DOCK8: variants seen among roughly 807,000 people sequenced by gnomAD.
The protein encoded by DOCK8 is dedicator of cytokinesis 8.
A neutral mutation model predicts 245.6 loss-of-function variants in DOCK8; 141 were observed. The ratio of observed to expected loss-of-function variants is 0.57; its 90% CI spans 0.50 to 0.66. DOCK8 has a LOEUF of 0.66. Ranked by LOEUF, DOCK8 falls within the 30% of genes least tolerant of loss-of-function variation. The pLI is 0.00. For missense variants in DOCK8, 2,965 were observed against 2,603.4 expected (o/e 1.14, Z -3.02); for synonymous variants, 1,168 against 970.2 (o/e 1.20, Z -3.79).
rs62533403 is a variant in DOCK8, at chr9:311,814, C to G, written c.529-140C>G. ...GCTGAGATGTCATTCTTATCAAATCCGCAGTTTCTTCAGAAGACTTGAGGC... is the reference window on the plus strand; with the variant it reads ...GCTGAGATGTCATTCTTATCAAATCGGCAGTTTCTTCAGAAGACTTGAGGC... On this transcript the variant is annotated intron_variant, in intron 5 of 47. Coordinates refer to ENST00000432829, the MANE Select transcript of DOCK8 (RefSeq NM_203447.4). 26,819 of 1,015,046 alleles carry G rather than the reference C, an allele frequency of 0.026. 441 individuals carry two copies. Among genetic ancestry groups the G allele is most frequent in the Non-Finnish European group, 0.033 (21,622 of 650,274 alleles). 62.9% of individuals were successfully genotyped at this position (1,015,046 alleles called of 1,614,324 possible).
At chr9:269,955 C>G (rs1239278583) in intron 1 of DOCK8, among the ~76,000 whole-genome samples, 2 of 152,182 alleles carry the variant, frequency 1.3e-5, no homozygotes, top group African/African-American at 4.8e-5. Flanking sequence ...TGCCAGATGG[C>G]TTTCCAAAAT....
Position 247,547 on chromosome 9 carries a change from T to G in DOCK8, c.54-24080T>G, listed in dbSNP as rs191203191. ...TTATCATTATTCTTTTTTGTTTGTT[T>G]GTTTGAGAGGGAGTCTCGCTCTGTC... On this transcript the variant is annotated intron_variant, in intron 1 of 47. Transcript: ENST00000432829. Among the ~76,000 whole-genome samples the G allele has an allele frequency of 5.6e-4, 86 of 152,278 alleles. 1 individual carries two copies. Among genetic ancestry groups the G allele is most frequent in the African/African-American group, 1.9e-3 (79 of 41,574 alleles).
chr9:297,957 A>G (rs2049336512), intron 4 of DOCK8, among the ~76,000 whole-genome samples: 1 of 152,222 alleles, frequency 6.6e-6, no homozygotes, highest in South Asian at 2.1e-4. Context: ...TGTGTAACTC[A>G]TTTGTTAATG....
chr9:266,413 G>C (rs977379870), intron 1 of DOCK8, among the ~76,000 whole-genome samples: 11 of 151,834 alleles, frequency 7.2e-5, no homozygotes, highest in African/African-American at 2.7e-4. Flanking sequence ...TTCCTTCACA[G>C]TCTTGCACTA....
chr9:387,298 C>T (rs1388634877), intron 23 of DOCK8, among the ~76,000 whole-genome samples: 1 of 152,038 alleles, frequency 6.6e-6, no homozygotes, highest in Admixed American at 6.6e-5. Flanking sequence ...CAAAAACTAG[C>T]CGGGCATGAT....
chr9:213,209 A>T (rs1169619843), upstream of DOCK8: 2 of 152,104 alleles, frequency 1.3e-5, no homozygotes, highest in African/African-American at 4.8e-5. Context: ...AAGGGCACTG[A>T]TATTTGGTGG....
intron 6 of DOCK8, among the ~76,000 whole-genome samples, chr9:313,491 C>T (rs1337220537): frequency 1.3e-5 from 2 of 152,072 alleles, no homozygotes; most frequent in African/African-American, 4.8e-5. Context: ...TGTCAGCAGC[C>T]TCAAATGGTC....
At chr9:453,078 A>T (rs1050590845) in intron 46 of DOCK8, 1 of 152,250 alleles carries the variant, frequency 6.6e-6, no homozygotes, top group Non-Finnish European at 1.5e-5. Flanking sequence ...AAAGTTTGCT[A>T]AATTCAGTGA....
chr9:228,770 G>C (rs562119425), intron 1 of DOCK8, among the ~76,000 whole-genome samples: 5 of 152,114 alleles, frequency 3.3e-5, no homozygotes, highest in African/African-American at 7.2e-5. Context: ...CAATTCTGTG[G>C]GTTGGCAATT....
intron 20 of DOCK8, among the ~76,000 whole-genome samples, chr9:378,793 A>G (rs538661303): frequency 1.8e-4 from 28 of 152,384 alleles, no homozygotes; most frequent in African/African-American, 6.7e-4. Flanking sequence ...GCATTTATTC[A>G]GAACCTATTC....
At chr9:292,961 C>T (rs1310988013) in intron 4 of DOCK8, among the ~76,000 whole-genome samples, 5 of 151,988 alleles carry the variant, frequency 3.3e-5, no homozygotes, top group African/African-American at 1.2e-4. Context: ...CAATGGTTAC[C>T]CATATATTTA....
rs568128650 is a variant in DOCK8 at position 420,660 on chromosome 9, G to A, written c.4023+77G>A. The A allele has an allele frequency of 3.2e-6, 5 of 1,574,958 alleles. No homozygotes were observed. In the African/African-American group the frequency reaches 5.4e-5, roughly 17 times the overall value. ...TTCTGTCTTCTTACTCATCCCCTTT[G>A]TTTGGGCCATGGAGGCATCATTAAT... is the stretch of plus-strand genomic sequence containing the variant. On this transcript the variant is annotated intron_variant, in intron 31 of 47. Coordinates refer to ENST00000432829, the MANE Select transcript of DOCK8 (RefSeq NM_203447.4).
chr9:413,996 G>A (rs2055873567), intron 28 of DOCK8, among the ~76,000 whole-genome samples: 1 of 152,108 alleles, frequency 6.6e-6, no homozygotes, highest in East Asian at 1.9e-4. Context: ...ACAAAAATTA[G>A]CCAGGTGTGG....
intron 33 of DOCK8, among the ~76,000 whole-genome samples, chr9:424,434 A>G (rs1173816807): frequency 1.3e-5 from 2 of 151,596 alleles, no homozygotes; most frequent in East Asian, 1.9e-4. Context: ...TTTTGAGACA[A>G]GGTCTCACTC....
chr9:411,292 A>C (rs2131580447), intron 28 of DOCK8, among the ~76,000 whole-genome samples: 1 of 152,214 alleles, frequency 6.6e-6, no homozygotes, highest in Admixed American at 6.5e-5. Flanking sequence ...GGGAACCTGT[A>C]ATCCCATCTA....
At chr9:308,915 C>T (rs1468026466) in intron 5 of DOCK8, among the ~76,000 whole-genome samples, 1 of 152,196 alleles carries the variant, frequency 6.6e-6, no homozygotes. Flanking sequence ...CCTTGGCCTC[C>T]CAAAGTGCTG....
At chr9:399,023 G>A (rs2054603045) in intron 25 of DOCK8, 123 bp from the exon 26 acceptor site, 1 of 853,546 alleles carries the variant, frequency 1.2e-6, no homozygotes, top group Non-Finnish European at 1.9e-6. Context: ...TTCGCCCAGT[G>A]CCACCCAGAA....
chr9:435,033 C>T (rs374741005), intron 39 of DOCK8, 58 bp downstream of exon 39: 5 of 1,590,146 alleles, frequency 3.1e-6, no homozygotes, highest in East Asian at 2.3e-5. Context: ...GCGATTTTGT[C>T]CCCCAGCCCC....
At chr9:311,688 T>G (rs2050119778) in intron 5 of DOCK8, among the ~76,000 whole-genome samples, 1 of 152,186 alleles carries the variant, frequency 6.6e-6, no homozygotes, top group Non-Finnish European at 1.5e-5. Flanking sequence ...TAGTACTGTT[T>G]TTAGTCCTTT....
Sources: gnomAD v4.1 joint callset for allele counts (sites outside exome capture counted in the v4.1 genomes callset) on GRCh38, gnomAD v4.1.1 for gene constraint, MANE v1.5 for transcripts, NCBI Gene and HGNC (gene_info 2026-07-23, HGNC 2026-07-21) for gene names.